ZBED6: variants seen among roughly 807,000 people sequenced by gnomAD.
ZBED6 encodes zinc finger BED-type containing 6.
A neutral mutation model predicts 58.4 loss-of-function variants in ZBED6; 40 were observed. The ratio of observed to expected loss-of-function variants is 0.68; its 90% CI spans 0.53 to 0.89. ZBED6 has a LOEUF of 0.89. ZBED6 is among the 40% of genes least tolerant of loss of function. ZBED6 has a pLI of 0.00. For missense variants in ZBED6, 1,057 were observed against 1,003.9 expected (o/e 1.05, Z -0.71); for synonymous variants, 439 against 350.6 (o/e 1.25, Z -2.82).
intron 7 of ZBED6, among the ~76,000 whole-genome samples, chr1:203,830,810 A>C (rs2103026450): frequency 6.6e-6 from 1 of 152,202 alleles, no homozygotes; most frequent in African/African-American, 2.4e-5. Flanking sequence ...TCTGTCTCAA[A>C]AAAGAAAAAA....
intron 7 of ZBED6, 118 bp from the exon 8 acceptor site, chr1:203,831,543 C>T (rs1374462110): frequency 1.3e-6 from 1 of 774,870 alleles, no homozygotes; most frequent in Non-Finnish European, 2.2e-6. Context: ...GGCTGATTGG[C>T]TTATAGTCAT....
chr1:203,818,789 G>T, intron 3 of ZBED6, 100 bp downstream of exon 3: 10 of 1,554,574 alleles, frequency 6.4e-6, no homozygotes, highest in South Asian at 1.2e-5. Context: ...ATATATTAAG[G>T]CTGAGTGCAG....
At chr1:203,834,355 T>C (rs972970386) in intron 9 of ZBED6, among the ~76,000 whole-genome samples, 5 of 152,158 alleles carry the variant, frequency 3.3e-5, no homozygotes, top group African/African-American at 9.7e-5. Context: ...CACTGCAACC[T>C]CCACCTCCTG....
intron 16 of ZBED6, 79 bp downstream of exon 16, chr1:203,851,203 A>G: frequency 1.6e-6 from 2 of 1,281,400 alleles, no homozygotes; most frequent in South Asian, 1.3e-5. Flanking sequence ...ACACTGATAA[A>G]TAACTTTAGC....
chr1:203,841,462 G>A (rs574166283), intron 11 of ZBED6, among the ~76,000 whole-genome samples: 2 of 151,862 alleles, frequency 1.3e-5, no homozygotes, highest in African/African-American at 4.8e-5. Flanking sequence ...CAGAGAGCAC[G>A]GGGTTGGGAG....
chr1:203,804,305 C>T (rs1430543729), intron 1 of ZBED6, among the ~76,000 whole-genome samples: 4 of 152,036 alleles, frequency 2.6e-5, no homozygotes, highest in African/African-American at 7.2e-5. Flanking sequence ...GCACCCGCCA[C>T]CTCGCCTGGC....
Position 203,840,462 on chromosome 1 carries a change from A to G in ZBED6, c.*3741+88A>G, listed in dbSNP as rs569917018. On this transcript the variant is annotated intron_variant, in intron 11 of 16. Transcript: ENST00000550078. ...TTCTCAGATTTACCTGTTGCTTGCTAGGGCTTTTGATTTTTGTTCTTTTGT... is the reference window on the plus strand; with the variant it reads ...TTCTCAGATTTACCTGTTGCTTGCTGGGGCTTTTGATTTTTGTTCTTTTGT... The G allele has an allele frequency of 3.3e-4, 447 of 1,337,368 alleles. 4 individuals are homozygous for G. The East Asian group carries it at 8.1e-3, about 24-fold the overall frequency. 82.8% of individuals were successfully genotyped at this position (1,337,368 alleles called of 1,614,324 possible). A position where few individuals can be genotyped will look rare whatever the true frequency, so the allele number is the denominator to read the frequency against.
At chr1:203,804,674 C>CTTT (rs35042121) in intron 1 of ZBED6, among the ~76,000 whole-genome samples, 2 of 137,664 alleles carry the variant, frequency 1.5e-5, no homozygotes, top group Non-Finnish European at 3.1e-5. Flanking sequence ...TTTGCCTCAT[C>CTTT]TTTTTTTTTT....
intron 3 of ZBED6, among the ~76,000 whole-genome samples, chr1:203,824,274 T>A (rs201008986): frequency 1.6e-4 from 22 of 139,966 alleles, no homozygotes; most frequent in African/African-American, 2.4e-4. Context: ...ATCTCAAAAT[T>A]AAAAAAAAAA....
At chr1:203,851,003 G>A in intron 15 of ZBED6, 54 bp from the exon 16 acceptor site, 1 of 1,584,454 alleles carries the variant, frequency 6.3e-7, no homozygotes, top group Non-Finnish European at 8.6e-7. Context: ...AAATGAATAT[G>A]CTCAAATTAA....
At chr1:203,822,101 C>G (rs964440240) in intron 3 of ZBED6, among the ~76,000 whole-genome samples, 14 of 152,236 alleles carry the variant, frequency 9.2e-5, no homozygotes, top group African/African-American at 2.6e-4. Context: ...ATTATGAGTT[C>G]ATATAGATGC....
intron 3 of ZBED6, among the ~76,000 whole-genome samples, chr1:203,821,261 A>C (rs924393725): frequency 5.9e-5 from 9 of 152,056 alleles, no homozygotes; most frequent in African/African-American, 2.2e-4. Context: ...TGCCATAATT[A>C]TAAGTTTCCT....
chr1:203,820,610 T>C (rs1469065187), intron 3 of ZBED6, among the ~76,000 whole-genome samples: 1 of 151,980 alleles, frequency 6.6e-6, no homozygotes, highest in Non-Finnish European at 1.5e-5. Context: ...CTCGAGTAGC[T>C]GGGACAACGG....
chr1:203,829,144 AG>A (rs746328780), intron 4 of ZBED6: 11 of 344,134 alleles, frequency 3.2e-5, no homozygotes, highest in Non-Finnish European at 5.3e-5. Context: ...CTGAGCAAAA[AG>A]CCTAGAATTG....
intron 1 of ZBED6, among the ~76,000 whole-genome samples, chr1:203,811,982 AT>A (rs1431347907): frequency 2.0e-5 from 3 of 151,400 alleles, no homozygotes; most frequent in Non-Finnish European, 2.9e-5. Flanking sequence ...TGCTTGGCTA[AT>A]TTTTATATTT....
intron 1 of ZBED6, among the ~76,000 whole-genome samples, chr1:203,809,237 ATGATCTTGGCT>A (rs1415264239): frequency 1.6e-5 from 2 of 125,590 alleles, no homozygotes; most frequent in Non-Finnish European, 3.1e-5. Context: ...GTGCAGTGGC[ATGATCTTGGCT>A]CACTGCAACC....
chr1:203,837,796 C>G (rs115051178), intron 9 of ZBED6, among the ~76,000 whole-genome samples, 170 bp from the exon 10 acceptor site: 1 of 152,088 alleles, frequency 6.6e-6, no homozygotes, highest in Non-Finnish European at 1.5e-5. Context: ...CTCTTTTCTC[C>G]GACATTTTTA....
rs193097112 is a variant in ZBED6, at chr1:203,851,573, A to G, written c.*4873+449A>G. Among the ~76,000 whole-genome samples, 273 of 152,136 alleles carry G rather than the reference A, an allele frequency of 1.8e-3. 1 individual carries two copies. Among genetic ancestry groups the G allele is most frequent in the African/African-American group, 6.2e-3 (256 of 41,508 alleles). Reference sequence around the variant, plus strand: ...TCAAACTCCTGACGTCAAGTGATCCACCTTCCTCGTCTTCCCAAAGTGCTG... The same window carrying G: ...TCAAACTCCTGACGTCAAGTGATCCGCCTTCCTCGTCTTCCCAAAGTGCTG... On this transcript the variant is annotated intron_variant, in intron 16 of 16. Coordinates refer to ENST00000550078, the Ensembl canonical transcript of ZBED6.
At chr1:203,803,200 T>C (rs1049312991) in intron 1 of ZBED6, among the ~76,000 whole-genome samples, 184 bp downstream of exon 1, 5 of 152,220 alleles carry the variant, frequency 3.3e-5, no homozygotes, top group African/African-American at 9.6e-5. Flanking sequence ...TTTCTTTTTT[T>C]CTTTTTTGGA....
Sources: gnomAD v4.1 joint callset for allele counts (sites outside exome capture counted in the v4.1 genomes callset) on GRCh38, gnomAD v4.1.1 for gene constraint, MANE v1.5 for transcripts, NCBI Gene and HGNC (gene_info 2026-07-23, HGNC 2026-07-21) for gene names.